Variants in GALNT13 observed in about 807,000 individuals in gnomAD.
GALNT13 encodes the protein UDP-GalNAc:polypeptide N-acetylgalactosaminyltransferase 13.
A neutral mutation model predicts 64.2 loss-of-function variants in GALNT13; 28 were observed. The ratio of observed to expected loss-of-function variants is 0.44; its 90% CI spans 0.32 to 0.60. The LOEUF (loss-of-function observed/expected upper bound fraction) is 0.60, where lower values mean the gene tolerates loss of function less well. Ranked by LOEUF, GALNT13 falls within the 20% of genes least tolerant of loss-of-function variation. The pLI is 0.05. For missense variants in GALNT13, 577 were observed against 669.8 expected (o/e 0.86, Z 1.53); for synonymous variants, 214 against 224.6 (o/e 0.95, Z 0.42).
upstream of GALNT13, among the ~76,000 whole-genome samples, chr2:153,869,724 T>C (rs1349885136): frequency 2.0e-5 from 3 of 152,288 alleles, no homozygotes; most frequent in Middle Eastern, 3.4e-3. Context: ...TAAGGATCTA[T>C]AGTATATTAT....
At chr2:154,271,967 T>A (rs143205374) in intron 8 of GALNT13, among the ~76,000 whole-genome samples, 2,239 of 151,956 alleles carry the variant, frequency 0.015, 30 homozygotes, top group Non-Finnish European at 0.024. Context: ...TAAAGGAAAT[T>A]ATAAAATTAT....
chr2:153,159,061 C>A, the GALNT13 span: 2 of 177,120 alleles, frequency 1.1e-5, no homozygotes, highest in East Asian at 1.3e-4. Flanking sequence ...CCATGTCTTG[C>A]TCCTCTACCA....
chr2:154,148,242 A>G (rs1022705470), intron 4 of GALNT13, among the ~76,000 whole-genome samples: 2 of 151,886 alleles, frequency 1.3e-5, no homozygotes, highest in African/African-American at 4.8e-5. Context: ...ATGTCCCTAC[A>G]AAGGACATGA....
intron 3 of GALNT13, among the ~76,000 whole-genome samples, chr2:153,995,558 A>T (rs10182214): frequency 0.2 from 31,006 of 151,964 alleles, 4,078 homozygotes; most frequent in Middle Eastern, 0.33. Flanking sequence ...TTACATGTTT[A>T]TAGGGTACAG....
the GALNT13 span, among the ~76,000 whole-genome samples, chr2:153,140,117 C>T: frequency 2.6e-5 from 4 of 152,040 alleles, no homozygotes; most frequent in East Asian, 7.8e-4. Flanking sequence ...ATTTGTTACG[C>T]CAGATTTGAA....
Position 154,242,858 on chromosome 2 carries a change from C to T in GALNT13, c.639C>T (p.Cys213=), listed in dbSNP as rs140853108. The T allele has an allele frequency of 2.2e-5, 35 of 1,614,108 alleles. No individual in the cohort carries two copies. In the African/African-American group the frequency reaches 4.5e-4, roughly 21 times the overall value. Residue 213 remains cysteine, a synonymous_variant, in exon 6 of 13, where the codon TGC becomes TGT. Transcript: ENST00000392825. ...CTTTTCTTGATGCACACTGTGAATGCACGTTAGGATGGCTGGAGCCTTTGC... is the reference window on the plus strand; with the variant it reads ...CTTTTCTTGATGCACACTGTGAATGTACGTTAGGATGGCTGGAGCCTTTGC... ...VITFLDAHCE[C]TLGWLEPLLA... is the part of the protein sequence containing the mutation.
chr2:153,337,737 T>C, the GALNT13 span: 1 of 152,250 alleles, frequency 6.6e-6, no homozygotes, highest in Non-Finnish European at 1.5e-5. Flanking sequence ...CTGTCCATTG[T>C]GACCCACACC....
At chr2:153,420,117 A>G in the GALNT13 span, among the ~76,000 whole-genome samples, 149 of 152,314 alleles carry the variant, frequency 9.8e-4, no homozygotes, top group African/African-American at 3.2e-3. Flanking sequence ...ACAGAAAAAT[A>G]ATAAAAGGAG....
At chr2:153,087,492 T>C in the GALNT13 span, among the ~76,000 whole-genome samples, 2 of 152,190 alleles carry the variant, frequency 1.3e-5, no homozygotes, top group African/African-American at 4.8e-5. Context: ...AATGGCTTCA[T>C]AGTATGATTT....
the GALNT13 span, among the ~76,000 whole-genome samples, chr2:153,556,016 AT>A: frequency 6.6e-6 from 1 of 152,160 alleles, no homozygotes; most frequent in African/African-American, 2.4e-5. Context: ...ATGGATGATC[AT>A]TTTTTTCTCA....
At chr2:153,627,279 G>A in the GALNT13 span, among the ~76,000 whole-genome samples, 2 of 151,984 alleles carry the variant, frequency 1.3e-5, no homozygotes, top group East Asian at 1.9e-4. Context: ...CTTTCTATAA[G>A]TGAAAATATT....
intron 2 of GALNT13, among the ~76,000 whole-genome samples, chr2:153,941,489 A>T (rs977290882): frequency 1.3e-5 from 2 of 152,152 alleles, no homozygotes; most frequent in Non-Finnish European, 2.9e-5. Context: ...CAAGCCAGGG[A>T]TATTGAAGAA....
intron 10 of GALNT13, among the ~76,000 whole-genome samples, chr2:154,405,898 A>G (rs1699513642): frequency 6.6e-6 from 1 of 152,124 alleles, no homozygotes; most frequent in South Asian, 2.1e-4. Context: ...GGAAATAGAT[A>G]CTTGTAAGAA....
At chr2:153,556,768 C>T in the GALNT13 span, among the ~76,000 whole-genome samples, 1 of 152,096 alleles carries the variant, frequency 6.6e-6, no homozygotes, top group Non-Finnish European at 1.5e-5. Flanking sequence ...AACACTCAAC[C>T]TTCCCTGTTA....
rs569315903 is a variant in GALNT13, at chr2:154,117,603, C to T, written c.143-22734C>T. ...TGCTGCAAATGCCGTTAATTTGTTC[C>T]TTTTTATGACTGAGTAGTATTCCAT... On this transcript the variant is annotated intron_variant, in intron 3 of 12. Coordinates refer to ENST00000392825, the MANE Select transcript of GALNT13 (RefSeq NM_052917.4). Among the ~76,000 whole-genome samples the T allele has an allele frequency of 2.0e-5, 3 of 152,258 alleles. No individual in the cohort carries two copies. In the East Asian group the frequency reaches 5.8e-4, roughly 29 times the overall value.
the GALNT13 span, among the ~76,000 whole-genome samples, chr2:153,200,683 G>A: frequency 6.6e-6 from 1 of 152,198 alleles, no homozygotes; most frequent in Admixed American, 6.5e-5. Flanking sequence ...CAGGTTGTTT[G>A]ATTTTGAGGA....
At chr2:153,146,116 G>A in the GALNT13 span, among the ~76,000 whole-genome samples, 1 of 151,178 alleles carries the variant, frequency 6.6e-6, no homozygotes, top group Non-Finnish European at 1.5e-5. Flanking sequence ...ATTGCACCAT[G>A]CTTCCTCTCC....
At chr2:154,141,960 G>A (rs1683281456) in intron 4 of GALNT13, among the ~76,000 whole-genome samples, 1 of 152,106 alleles carries the variant, frequency 6.6e-6, no homozygotes, top group African/African-American at 2.4e-5. Flanking sequence ...AGTATTTAGT[G>A]GCAGAATTGT....
the GALNT13 span, among the ~76,000 whole-genome samples, chr2:153,439,222 C>T: frequency 6.9e-4 from 105 of 152,242 alleles, 1 homozygote; most frequent in Non-Finnish European, 2.1e-4. Context: ...AGGTGTCAGC[C>T]GCCCCTACTT....
Sources: gnomAD v4.1 joint callset for allele counts (sites outside exome capture counted in the v4.1 genomes callset) on GRCh38, gnomAD v4.1.1 for gene constraint, MANE v1.5 for transcripts, NCBI Gene and HGNC (gene_info 2026-07-23, HGNC 2026-07-21) for gene names.